TTBK2: variants seen among roughly 807,000 people sequenced by gnomAD.
The protein encoded by TTBK2 is tau-tubulin kinase 2.
Under a neutral mutation model 110.8 loss-of-function variants are expected in TTBK2, and 28 were observed. The observed-to-expected ratio is 0.25, with a 90% CI of 0.19 to 0.35. The LOEUF is 0.35. Ranked by LOEUF, TTBK2 falls within the 10% of genes least tolerant of loss-of-function variation. The pLI, the probability that TTBK2 is intolerant of heterozygous loss-of-function variation, is 1.00. For missense variants in TTBK2, 1,369 were observed against 1,500.3 expected (o/e 0.91, Z 1.45); for synonymous variants, 532 against 527.3 (o/e 1.01, Z -0.12).
intron 6 of TTBK2, among the ~76,000 whole-genome samples, chr15:42,822,832 A>G (rs977008501): frequency 6.6e-6 from 1 of 152,222 alleles, no homozygotes; most frequent in Non-Finnish European, 1.5e-5. Flanking sequence ...TTTAACAATT[A>G]AAACAAGAAA....
At chr15:42,753,594 T>C (rs2140606394) in intron 13 of TTBK2, among the ~76,000 whole-genome samples, 1 of 152,284 alleles carries the variant, frequency 6.6e-6, no homozygotes, top group Admixed American at 6.5e-5. Flanking sequence ...CAACAGGCAA[T>C]CAGAGGGTTA....
chr15:42,765,609 C>A (rs908435555), intron 13 of TTBK2, among the ~76,000 whole-genome samples: 1 of 152,082 alleles, frequency 6.6e-6, no homozygotes. Flanking sequence ...CAAGAAATAT[C>A]GGACTATGTG....
intron 1 of TTBK2, among the ~76,000 whole-genome samples, chr15:42,886,013 G>A (rs547825824): frequency 1.4e-3 from 208 of 152,284 alleles, no homozygotes; most frequent in African/African-American, 4.8e-3. Context: ...ATGGTCTGAG[G>A]TGCCTGACGT....
In TTBK2 at chr15:42,774,870, G is replaced by A. The variant is rs1889831689; in HGVS notation, c.1998+265C>T. On this transcript the variant is annotated intron_variant, in intron 13 of 14. Transcript: ENST00000267890. ...ATATAAACACACATAGATAGCTAGCGCTTGTAGTCTAATTAAAAATGTTAT... is the reference window on the plus strand; with the variant it reads ...ATATAAACACACATAGATAGCTAGCACTTGTAGTCTAATTAAAAATGTTAT... Among the ~76,000 whole-genome samples, 3 of 152,130 alleles carry A rather than the reference G, an allele frequency of 2.0e-5. 1 individual carries two copies. The highest frequency in any genetic ancestry group is 4.2e-4 in the South Asian group (2 of 4,818).
At chr15:42,789,157 C>T (rs1461346279) in intron 10 of TTBK2, among the ~76,000 whole-genome samples, 1 of 152,182 alleles carries the variant, frequency 6.6e-6, no homozygotes. Context: ...ACTTGTTCAT[C>T]CCACATATCT....
At chr15:42,815,388 C>T (rs1891895690) in intron 7 of TTBK2, among the ~76,000 whole-genome samples, 1 of 152,094 alleles carries the variant, frequency 6.6e-6, no homozygotes, top group African/African-American at 2.4e-5. Context: ...TGGTCAAGTT[C>T]TCATTTTGGC....
rs148364598 is a variant in TTBK2 at position 42,836,846 on chromosome 15, T to A, written c.291+3514A>T. ...GGTTCAGGCTTCCACCAAGCTTTAA[T>A]ACCCATCAAGTAGGCTAGTACCAGA... On this transcript the variant is annotated intron_variant, in intron 4 of 14. Transcript: ENST00000267890. Among the ~76,000 whole-genome samples, 560 of 152,330 alleles carry A rather than the reference T, an allele frequency of 3.7e-3. 2 individuals are homozygous for A. Among genetic ancestry groups the A allele is most frequent in the African/African-American group, 0.013 (535 of 41,570 alleles).
At chr15:42,812,357 GT>G (rs1338210143) in intron 7 of TTBK2, among the ~76,000 whole-genome samples, 2 of 151,800 alleles carry the variant, frequency 1.3e-5, no homozygotes, top group African/African-American at 4.8e-5. Flanking sequence ...AAAAAAATGA[GT>G]TTTAAAAAAA....
chr15:42,854,202 G>C (rs1893839536), intron 3 of TTBK2, among the ~76,000 whole-genome samples: 2 of 152,178 alleles, frequency 1.3e-5, no homozygotes, highest in African/African-American at 4.8e-5. Context: ...GCCTCCCAAA[G>C]TGCTAGGATT....
chr15:42,919,264 T>A lies in TTBK2; in HGVS notation c.-68+1174A>T, dbSNP rs116822776. On this transcript the variant is annotated intron_variant, in intron 1 of 14. Coordinates refer to ENST00000267890, the MANE Select transcript of TTBK2 (RefSeq NM_173500.4). ...TAATCATATTAAGCTATATTTGTCA[T>A]CATTACTGCTTCTTTATTTAAAAAA... Among the ~76,000 whole-genome samples the A allele has an allele frequency of 5.7e-3, 769 of 135,468 alleles. 8 individuals are homozygous for A. The highest frequency in any genetic ancestry group is 0.02 in the African/African-American group (741 of 36,684). 88.9% of individuals were successfully genotyped at this position (135,468 alleles called of 152,430 possible). A position where few individuals can be genotyped will look rare whatever the true frequency, so the allele number is the denominator to read the frequency against.
At chr15:42,917,666 T>C (rs1382290446) in intron 1 of TTBK2, among the ~76,000 whole-genome samples, 1 of 151,704 alleles carries the variant, frequency 6.6e-6, no homozygotes, top group Non-Finnish European at 1.5e-5. Context: ...CACACATTGT[T>C]TACAATATGC....
At chr15:42,801,902 G>A (rs1219882507) in intron 9 of TTBK2, 40 of 1,514,176 alleles carry the variant, frequency 2.6e-5, no homozygotes, top group Non-Finnish European at 3.4e-5. Flanking sequence ...TCCTCCACCA[G>A]CCCATGCATG....
intron 10 of TTBK2, among the ~76,000 whole-genome samples, chr15:42,789,474 C>T (rs1890552481): frequency 6.6e-6 from 1 of 152,128 alleles, no homozygotes; most frequent in Non-Finnish European, 1.5e-5. Flanking sequence ...CGGCTCATGC[C>T]TGTAATCCCA....
In TTBK2 at chr15:42,752,478, T is replaced by C; in HGVS notation, c.2768A>G (p.Asn923Ser). 1.9e-6 allele frequency: 3 copies of C among 1,614,190 alleles called. No homozygotes were observed. Among genetic ancestry groups the C allele is most frequent in the Non-Finnish European group, 2.5e-6 (3 of 1,180,028 alleles). Residue 923 changes from asparagine to serine, a missense_variant, in exon 14 of 15, where the codon AAT (asparagine) becomes AGT (serine). Asn to Ser is a conservative substitution (Grantham distance 46). Coordinates refer to ENST00000267890, the MANE Select transcript of TTBK2 (RefSeq NM_173500.4). The stretch of plus-strand genomic sequence containing the variant: ...CTTCCGGGTTGGGGCACCATGTTCA[T>C]TCTCTGAAACACAATGAAATAGTTC... Reference protein sequence around the residue: ...NGELFHCVSENEHGAPTRKDM... With the variant: ...NGELFHCVSESEHGAPTRKDM...
chr15:42,833,247 T>TAAAAA (rs35997543), intron 4 of TTBK2, among the ~76,000 whole-genome samples: 14 of 74,852 alleles, frequency 1.9e-4, no homozygotes, highest in East Asian at 7.3e-4. Flanking sequence ...CCAAATTTTG[T>TAAAAA]AAAAAAAAAA....
chr15:42,770,211 G>A (rs530475604), intron 13 of TTBK2, among the ~76,000 whole-genome samples: 8 of 152,092 alleles, frequency 5.3e-5, no homozygotes, highest in Admixed American at 1.3e-4. Flanking sequence ...AAACCTGCAC[G>A]TCATGCACAC....
chr15:42,811,887 AATTT>A, intron 7 of TTBK2, 107 bp from the exon 8 acceptor site: 1 of 906,870 alleles, frequency 1.1e-6, no homozygotes, highest in Non-Finnish European at 1.7e-6. Context: ...TAAAAATGTA[AATTT>A]ATTTCCCAAA....
In TTBK2 at chr15:42,763,158, A is replaced by G. The variant is rs1435804455; in HGVS notation, c.1999-9911T>C. ...TATATACATACATATATATATATAC[A>G]TATATATATATATATATATATATAT... On this transcript the variant is annotated intron_variant, in intron 13 of 14. Coordinates refer to ENST00000267890, the MANE Select transcript of TTBK2 (RefSeq NM_173500.4). 8.1e-3 allele frequency among the ~76,000 whole-genome samples: 54 copies of G among 6,672 alleles called. 1 individual carries two copies. Among genetic ancestry groups the G allele is most frequent in the African/African-American group, 0.041 (52 of 1,256 alleles). The allele number at this position is 6,672 out of a possible 152,430, so 4.4% of individuals were successfully genotyped here.
chr15:42,778,564 A>C (rs1212316002), intron 11 of TTBK2, among the ~76,000 whole-genome samples: 1 of 152,204 alleles, frequency 6.6e-6, no homozygotes, highest in East Asian at 1.9e-4. Context: ...GCTACTCAGG[A>C]GGCTGAGGCA....
Sources: gnomAD v4.1 joint callset for allele counts (sites outside exome capture counted in the v4.1 genomes callset) on GRCh38, gnomAD v4.1.1 for gene constraint, MANE v1.5 for transcripts, NCBI Gene and HGNC (gene_info 2026-07-23, HGNC 2026-07-21) for gene names.